ERC1: variants seen among roughly 807,000 people sequenced by gnomAD.
ERC1 encodes RAB6 interacting protein 2.
A neutral mutation model predicts 132.0 loss-of-function variants in ERC1; 56 were observed. The observed-to-expected ratio is 0.42, with a 90% CI of 0.34 to 0.53. ERC1 has a LOEUF of 0.53. Ranked by LOEUF, ERC1 falls within the 20% of genes least tolerant of loss-of-function variation. ERC1 has a pLI of 0.03. For synonymous variants in ERC1, 478 were observed against 476.1 expected, an observed-to-expected ratio of 1.00 and a Z score of -0.05; for missense variants, 1,202 against 1,349.9, an observed-to-expected ratio of 0.89 and a Z score of 1.72.
chr12:1,072,924 C>A (rs915193560), intron 2 of ERC1, among the ~76,000 whole-genome samples: 4 of 152,134 alleles, frequency 2.6e-5, no homozygotes, highest in African/African-American at 9.7e-5. Context: ...AACTCCTGAC[C>A]TCACATGATC....
At chr12:1,005,492 T>C (rs1323236197) in intron 1 of ERC1, among the ~76,000 whole-genome samples, 1 of 152,214 alleles carries the variant, frequency 6.6e-6, no homozygotes, top group Non-Finnish European at 1.5e-5. Flanking sequence ...CTTGACGTTA[T>C]TCTCCCTTGC....
chr12:1,263,002 T>C (rs1426531312), intron 13 of ERC1, 32 bp from the exon 14 acceptor site: 1 of 1,608,862 alleles, frequency 6.2e-7, no homozygotes, highest in Non-Finnish European at 8.5e-7. Flanking sequence ...AAGTAATTAA[T>C]CCACTTCACC....
chr12:1,060,213 A>C (rs1973743857), intron 2 of ERC1, among the ~76,000 whole-genome samples: 1 of 145,440 alleles, frequency 6.9e-6, no homozygotes, highest in South Asian at 2.2e-4. Context: ...TTTAGGGTAC[A>C]TGTGCACAAT....
At chr12:1,245,326 AT>A (rs560955728) in intron 13 of ERC1, among the ~76,000 whole-genome samples, 167 of 152,236 alleles carry the variant, frequency 1.1e-3, no homozygotes, top group African/African-American at 3.9e-3. Context: ...AAAAAGTATA[AT>A]TTAGTTTTGT....
intron 15 of ERC1, among the ~76,000 whole-genome samples, chr12:1,366,333 T>A (rs1187970049): frequency 6.6e-6 from 1 of 152,168 alleles, no homozygotes; most frequent in East Asian, 1.9e-4. Context: ...AAACAGACCC[T>A]ACCCATGTAG....
At position 1,469,315 on chromosome 12, in the gene ERC1, A is replaced by G. The variant is rs139466025; in HGVS notation, c.3214-20778A>G. ...TGGGATCGTTGGAAAGTGCTGCAAC[A>G]TGGGAGTAGCTGGGGCAGCTGTTGA... On this transcript the variant is annotated intron_variant, in intron 18 of 18. Transcript: ENST00000360905. Among the ~76,000 whole-genome samples, 688 of 152,322 alleles carry G rather than the reference A, an allele frequency of 4.5e-3. 8 individuals are homozygous for G. Among genetic ancestry groups the G allele is most frequent in the African/African-American group, 0.016 (654 of 41,576 alleles).
At chr12:1,205,415 A>G (rs2189787) in intron 12 of ERC1, among the ~76,000 whole-genome samples, 19,790 of 96,230 alleles carry the variant, frequency 0.21, 2,417 homozygotes, top group African/African-American at 0.46. Flanking sequence ...GTGTGTGTGT[A>G]TATATATATA....
At chr12:1,133,248 T>C (rs1388110526) in intron 7 of ERC1, among the ~76,000 whole-genome samples, 2 of 151,986 alleles carry the variant, frequency 1.3e-5, no homozygotes, top group African/African-American at 4.8e-5. Context: ...GTATACAAAA[T>C]ACAGATTAGC....
rs1385105996 is a variant in ERC1 at position 1,346,143 on chromosome 12, C to T, written c.2781-25690C>T. Among the ~76,000 whole-genome samples, 8 of 149,758 alleles carry T rather than the reference C, an allele frequency of 5.3e-5. No individual in the cohort carries two copies. In the Admixed American group the frequency reaches 5.4e-4, roughly 10 times the overall value. ...GATCTCCACTGTCTTTGTGGAAGGCCTGGACTCAAGTTTTTGTTGTTTGTT... is the reference window on the plus strand; with the variant it reads ...GATCTCCACTGTCTTTGTGGAAGGCTTGGACTCAAGTTTTTGTTGTTTGTT... On this transcript the variant is annotated intron_variant, in intron 15 of 18. Coordinates refer to ENST00000360905, the MANE Select transcript of ERC1 (RefSeq NM_178040.4).
intron 18 of ERC1, among the ~76,000 whole-genome samples, chr12:1,450,060 C>T (rs539773679): frequency 1.2e-4 from 19 of 152,256 alleles, no homozygotes; most frequent in African/African-American, 4.1e-4. Flanking sequence ...TTGTCTCAAA[C>T]TTTATGCTAT....
intron 3 of ERC1, among the ~76,000 whole-genome samples, chr12:1,097,478 C>A (rs1404909064): frequency 6.6e-6 from 1 of 152,182 alleles, no homozygotes; most frequent in Non-Finnish European, 1.5e-5. Context: ...CTCTGCTGTT[C>A]TCCCCACTAT....
chr12:1,264,424 A>G (rs531424388), intron 14 of ERC1, among the ~76,000 whole-genome samples: 9 of 152,170 alleles, frequency 5.9e-5, no homozygotes, highest in African/African-American at 2.2e-4. Context: ...GCACTTTGGG[A>G]GGCCGAGGCG....
intron 4 of ERC1, among the ~76,000 whole-genome samples, chr12:1,105,622 G>A (rs935017140): frequency 6.6e-6 from 1 of 152,160 alleles, no homozygotes; most frequent in African/African-American, 2.4e-5. Context: ...CTCCCAAAGT[G>A]CTGGGATTAC....
At position 1,180,685 on chromosome 12, in the gene ERC1, G is replaced by A. The variant is rs1002936873; in HGVS notation, c.1875+8G>A. Reference sequence around the variant, plus strand: ...GAGGCCCTTGCAGAGAAAGTGAGTGGCTGGCCCCAACTCTCCACACACGTT... The same window carrying A: ...GAGGCCCTTGCAGAGAAAGTGAGTGACTGGCCCCAACTCTCCACACACGTT... On this transcript the variant is annotated splice_region_variant and intron_variant, in intron 9 of 18. Coordinates refer to ENST00000360905, the MANE Select transcript of ERC1 (RefSeq NM_178040.4). The A allele has an allele frequency of 1.2e-6, 2 of 1,613,830 alleles. No homozygotes were observed. Among genetic ancestry groups the A allele is most frequent in the Non-Finnish European group, 1.7e-6 (2 of 1,179,992 alleles).
intron 15 of ERC1, among the ~76,000 whole-genome samples, chr12:1,339,209 T>C (rs1250718849): frequency 3.0e-5 from 4 of 134,344 alleles, no homozygotes; most frequent in Non-Finnish European, 3.1e-5. Context: ...AGGCATTCAC[T>C]GCAGTGGCAG....
chr12:1,303,696 C>G (rs1332799221), intron 15 of ERC1, among the ~76,000 whole-genome samples: 2 of 151,820 alleles, frequency 1.3e-5, no homozygotes, highest in Admixed American at 6.6e-5. Context: ...TGGCTCACGT[C>G]TGTAATCCCA....
intron 15 of ERC1, among the ~76,000 whole-genome samples, chr12:1,366,827 A>G (rs2086705447): frequency 6.6e-6 from 1 of 152,148 alleles, no homozygotes; most frequent in Admixed American, 6.6e-5. Flanking sequence ...TTAAAAGGGT[A>G]ATTTGTTATG....
In ERC1 at chr12:1,444,845, C is replaced by T. The variant is rs548610053; in HGVS notation, c.3213+95C>T. On this transcript the variant is annotated intron_variant, in intron 18 of 18. Transcript: ENST00000360905. ...GGGCTACCTTGGGGAATCCAGTTGC[C>T]GTGTAGTTGATGCAGTGGGGGCTAC... The T allele has an allele frequency of 4.6e-5, 52 of 1,141,822 alleles. 1 individual carries two copies. Among genetic ancestry groups the T allele is most frequent in the East Asian group, 1.5e-4 (6 of 41,108 alleles). The allele number at this position is 1,141,822 out of a possible 1,614,324, so 70.7% of individuals were successfully genotyped here.
intron 15 of ERC1, among the ~76,000 whole-genome samples, chr12:1,367,415 C>T (rs972649789): frequency 6.6e-6 from 1 of 152,124 alleles, no homozygotes; most frequent in Admixed American, 6.5e-5. Context: ...GGAGGAGGAG[C>T]GAATAATAAA....
Sources: gnomAD v4.1 joint callset for allele counts (sites outside exome capture counted in the v4.1 genomes callset) on GRCh38, gnomAD v4.1.1 for gene constraint, MANE v1.5 for transcripts, NCBI Gene and HGNC (gene_info 2026-07-23, HGNC 2026-07-21) for gene names.